Variants in PABPC1 observed in about 807,000 individuals in gnomAD.
PABPC1 encodes the protein polyadenylate-binding protein 1.
In PABPC1, 4 loss-of-function variants were observed where a neutral mutation model predicts 74.0. The observed-to-expected ratio is 0.05, with a 90% confidence interval of 0.03 to 0.12. The LOEUF (loss-of-function observed/expected upper bound fraction) is 0.12, where lower values mean the gene tolerates loss of function less well. Ranked by LOEUF, PABPC1 falls within the 10% of genes least tolerant of loss-of-function variation. PABPC1 has a pLI of 1.00. For synonymous variants in PABPC1, 227 were observed against 264.1 expected (o/e 0.86, Z 1.36); for missense variants, 271 against 821.1 (o/e 0.33, Z 8.19).
intron 3 of PABPC1, 28 bp from the exon 4 acceptor site, chr8:100,715,629 T>G: frequency 1.3e-6 from 2 of 1,517,486 alleles, no homozygotes; most frequent in Non-Finnish European, 1.8e-6. Context: ...GACTATAACA[T>G]TAGATTCTAT....
intron 1 of PABPC1, among the ~76,000 whole-genome samples, chr8:100,719,910 G>A (rs986947416): frequency 1.3e-5 from 2 of 152,198 alleles, no homozygotes; most frequent in African/African-American, 2.4e-5. Context: ...GTGACATTTG[G>A]AGTTACTGCT....
At position 100,706,596 on chromosome 8, in the gene PABPC1, C is replaced by A. The variant is rs1292369646; in HGVS notation, c.1602+55G>T. 9 of 1,527,678 alleles carry A rather than the reference C, an allele frequency of 5.9e-6. No individual in the cohort carries two copies. In the East Asian group the frequency reaches 2.1e-4, roughly 35 times the overall value. The allele number at this position is 1,527,678 out of a possible 1,614,324, so 94.6% of individuals were successfully genotyped here. On this transcript the variant is annotated intron_variant, in intron 11 of 14. Transcript: ENST00000318607. ...GCCACTGTGCCCAGCTGTCTTCACA[C>A]CTTTGATTTCACCCAAGAAATGTGA...
chr8:100,711,194 C>T (rs932115899), intron 7 of PABPC1, among the ~76,000 whole-genome samples: 8 of 152,006 alleles, frequency 5.3e-5, no homozygotes, highest in African/African-American at 1.9e-4. Flanking sequence ...GCAGGAGAAT[C>T]GCTTGAACCC....
At chr8:100,714,936 G>A (rs1028207709) in intron 4 of PABPC1, among the ~76,000 whole-genome samples, 1 of 152,112 alleles carries the variant, frequency 6.6e-6, no homozygotes, top group Non-Finnish European at 1.5e-5. Flanking sequence ...ATTTTTAAAT[G>A]CAGGAAATAA....
At chr8:100,717,705 A>G in intron 3 of PABPC1, 68 bp downstream of exon 3, 1 of 953,238 alleles carries the variant, frequency 1.0e-6, no homozygotes, top group Non-Finnish European at 1.6e-6. Flanking sequence ...TATTAACTTA[A>G]AATGAATGGA....
Position 100,718,210 on chromosome 8 carries a change from C to G in PABPC1, c.264G>C (p.Gln88His). ...CACTTTTGCGAAGTGATGGATCACG[C>G]TGAGACCACATGATGCGTACTGGCT... Reference protein sequence around the residue: ...KGKPVRIMWSQRDPSLRKSGV... With the variant: ...KGKPVRIMWSHRDPSLRKSGV... The change falls in exon 2 of 15, where the codon CAG (glutamine) becomes CAC (histidine). Residue 88 changes from glutamine to histidine, a missense_variant. By Grantham distance (24) the Gln-to-His change is conservative (BLOSUM62 0). Transcript: ENST00000318607. The G allele has an allele frequency of 6.2e-7, 1 of 1,614,210 alleles. No homozygotes were observed. Among genetic ancestry groups the G allele is most frequent in the Non-Finnish European group, 8.5e-7 (1 of 1,180,028 alleles).
chr8:100,706,020 A>C (rs984801339), intron 11 of PABPC1, among the ~76,000 whole-genome samples: 3 of 151,878 alleles, frequency 2.0e-5, no homozygotes, highest in Non-Finnish European at 4.4e-5. Flanking sequence ...GCTAATCTTT[A>C]TATTTTTAGA....
chr8:100,709,678 G>A lies in PABPC1; in HGVS notation c.1026C>T (p.Ser342=), dbSNP rs1292559374. The change falls in exon 8 of 15, where the codon TCC becomes TCT. Residue 342 remains serine, a synonymous_variant. Coordinates refer to ENST00000318607, the MANE Select transcript of PABPC1 (RefSeq NM_002568.4). ...TAACTGCTTTAGTGGCTTCTTCTGG[G>A]GAGGAGAAACATACAAAACCAAACC... is the stretch of plus-strand genomic sequence containing the variant. ...SKGFGFVCFS[S]PEEATKAVTE... is the part of the protein sequence containing the mutation. 18 of 1,613,844 alleles carry A rather than the reference G, an allele frequency of 1.1e-5. No individual in the cohort carries two copies. Among genetic ancestry groups the A allele is most frequent in the Non-Finnish European group, 1.5e-5 (18 of 1,180,028 alleles).
chr8:100,705,538 C>A, intron 12 of PABPC1, 51 bp downstream of exon 12: 1 of 1,120,464 alleles, frequency 8.9e-7, no homozygotes, highest in Non-Finnish European at 1.4e-6. Context: ...CTAAGTGATT[C>A]CTATATTTTC....
intron 5 of PABPC1, 120 bp downstream of exon 5, chr8:100,712,965 TAA>T: frequency 9.6e-7 from 1 of 1,037,452 alleles, no homozygotes; most frequent in Non-Finnish European, 1.4e-6. Context: ...ACCTAATGCA[TAA>T]AATGCAAATA....
intron 3 of PABPC1, among the ~76,000 whole-genome samples, chr8:100,715,945 C>T (rs1001325973): frequency 6.6e-6 from 1 of 152,192 alleles, no homozygotes; most frequent in East Asian, 1.9e-4. Context: ...AAGCTTTCAT[C>T]GTCATTTTAA....
At chr8:100,715,152 CACACACATATAT>C (rs1190237053) in intron 4 of PABPC1, among the ~76,000 whole-genome samples, 13 of 80,946 alleles carry the variant, frequency 1.6e-4, no homozygotes, top group African/African-American at 4.7e-4. Context: ...CACACACACA[CACACACATATAT>C]ATCTCCAGCC....
intron 7 of PABPC1, among the ~76,000 whole-genome samples, chr8:100,710,904 T>C (rs775546198): frequency 6.6e-6 from 1 of 152,084 alleles, no homozygotes; most frequent in Non-Finnish European, 1.5e-5. Context: ...GGAAAACTGC[T>C]TGAACCCAGG....
Position 100,712,473 on chromosome 8 carries a change from G to C in PABPC1, c.877-16C>G, listed in dbSNP as rs376658124. 5.6e-6 allele frequency: 8 copies of C among 1,426,854 alleles called. No individual in the cohort carries two copies. The highest frequency in any genetic ancestry group is 1.8e-4 in the Middle Eastern group (1 of 5,510). The allele number at this position is 1,426,854 out of a possible 1,614,324, so 88.4% of individuals were successfully genotyped here. On this transcript the variant is annotated splice_polypyrimidine_tract_variant and intron_variant, in intron 6 of 14. Coordinates refer to ENST00000318607, the MANE Select transcript of PABPC1 (RefSeq NM_002568.4). ...GATTAACACCCTAAAAAGAAGAAAA[G>C]AAAACTATAGAAAAAGAAAACCATG...
At chr8:100,708,286 C>T (rs1810434399) in intron 9 of PABPC1, among the ~76,000 whole-genome samples, 1 of 152,132 alleles carries the variant, frequency 6.6e-6, no homozygotes, top group South Asian at 2.1e-4. Context: ...AAAATCCCGT[C>T]TCTACAAAAA....
At chr8:100,707,579 AAT>A (rs1265633346) in intron 9 of PABPC1, among the ~76,000 whole-genome samples, 6 of 152,296 alleles carry the variant, frequency 3.9e-5, no homozygotes, top group African/African-American at 1.4e-4. Context: ...TACTTTCACT[AAT>A]TTACTACTGC....
intron 1 of PABPC1, among the ~76,000 whole-genome samples, chr8:100,720,673 A>G (rs1810797651): frequency 6.6e-6 from 1 of 152,234 alleles, no homozygotes. Context: ...CGGCTGCCAC[A>G]TCCCCTCCTC....
chr8:100,719,617 T>C (rs1810760845), intron 1 of PABPC1, among the ~76,000 whole-genome samples: 1 of 152,212 alleles, frequency 6.6e-6, no homozygotes, highest in South Asian at 2.1e-4. Context: ...GTTAGGGTAC[T>C]GGTCTACTGG....
chr8:100,710,078 C>T (rs1201809470), intron 7 of PABPC1, among the ~76,000 whole-genome samples: 1 of 152,126 alleles, frequency 6.6e-6, no homozygotes, highest in Non-Finnish European at 1.5e-5. Context: ...TTTTGGGCAC[C>T]ACTGGAAGCA....
Sources: gnomAD v4.1 joint callset for allele counts (sites outside exome capture counted in the v4.1 genomes callset) on GRCh38, gnomAD v4.1.1 for gene constraint, MANE v1.5 for transcripts, NCBI Gene and HGNC (gene_info 2026-07-23, HGNC 2026-07-21) for gene names.